The following MYO5C variants were observed in gnomAD, a reference collection of about 807,000 sequenced individuals.
The protein encoded by MYO5C is myosin VC, also known as unconventional myosin-Vc.
Under a neutral mutation model 235.7 loss-of-function variants are expected in MYO5C, and 194 were observed. The ratio of observed to expected loss-of-function variants is 0.82; its 90% CI spans 0.73 to 0.93. The LOEUF (loss-of-function observed/expected upper bound fraction) is 0.93, where lower values mean the gene tolerates loss of function less well. Among genes scored for constraint, MYO5C ranks in the 40% least tolerant of loss-of-function variants. The pLI is 0.00. For missense variants in MYO5C, 2,038 were observed against 2,127.2 expected, an observed-to-expected ratio of 0.96 and a Z score of 0.82; for synonymous variants, 707 against 754.8, an observed-to-expected ratio of 0.94 and a Z score of 1.04.
intron 5 of MYO5C, 152 bp from the exon 6 acceptor site, chr15:52,272,875 G>T (rs2036957103): frequency 1.4e-6 from 1 of 690,916 alleles, no homozygotes; most frequent in African/African-American, 1.8e-5. Flanking sequence ...ACCCCACGCT[G>T]GCAGGGAACA....
intron 1 of MYO5C, 23 bp from the exon 2 acceptor site, chr15:52,282,915 C>T: frequency 6.5e-7 from 1 of 1,528,900 alleles, no homozygotes; most frequent in Non-Finnish European, 9.1e-7. Context: ...ATGAGAAAAG[C>T]TGAATTTCAG....
intron 36 of MYO5C, 90 bp downstream of exon 36, chr15:52,208,462 GGA>G: frequency 8.8e-7 from 1 of 1,135,314 alleles, no homozygotes; most frequent in Non-Finnish European, 1.3e-6. Flanking sequence ...GCCTCCTGGT[GGA>G]GAGGATAGAG....
intron 38 of MYO5C, among the ~76,000 whole-genome samples, chr15:52,204,394 C>G (rs796141347): frequency 3.3e-5 from 5 of 152,066 alleles, no homozygotes; most frequent in African/African-American, 1.2e-4. Context: ...CCAACTGTTC[C>G]GTCTGCAATG....
At chr15:52,241,481 G>A (rs1342140606) in intron 20 of MYO5C, among the ~76,000 whole-genome samples, 3 of 151,870 alleles carry the variant, frequency 2.0e-5, no homozygotes, top group South Asian at 2.1e-4. Flanking sequence ...GGATGGTCTC[G>A]ATCTCCTGAC....
chr15:52,239,675 A>G, intron 21 of MYO5C, 58 bp downstream of exon 21: 1 of 1,530,262 alleles, frequency 6.5e-7, no homozygotes, highest in East Asian at 2.3e-5. Flanking sequence ...ACTGCTCCAG[A>G]ACAAACTACA....
intron 19 of MYO5C, 46 bp from the exon 20 acceptor site, chr15:52,242,259 C>G (rs752698624): frequency 5.7e-6 from 9 of 1,568,132 alleles, no homozygotes; most frequent in Non-Finnish European, 7.8e-6. Flanking sequence ...CACAGAGCAT[C>G]AACTTCCATA....
At chr15:52,205,190 C>G (rs1214759480) in intron 37 of MYO5C, 43 bp from the exon 38 acceptor site, 4 of 1,599,156 alleles carry the variant, frequency 2.5e-6, no homozygotes, top group African/African-American at 2.7e-5. Flanking sequence ...CCAGGAGACA[C>G]ACGCGGAACG....
intron 2 of MYO5C, among the ~76,000 whole-genome samples, chr15:52,280,565 T>C (rs2037145183): frequency 6.6e-6 from 1 of 152,182 alleles, no homozygotes; most frequent in Non-Finnish European, 1.5e-5. Flanking sequence ...GCATGCTTGT[T>C]TCTCTTCCAC....
chr15:52,288,788 C>A (rs1419035713), intron 1 of MYO5C, among the ~76,000 whole-genome samples: 1 of 152,204 alleles, frequency 6.6e-6, no homozygotes, highest in African/African-American at 2.4e-5. Flanking sequence ...AGCCCTTCAG[C>A]GGAGCCAGGA....
intron 32 of MYO5C, among the ~76,000 whole-genome samples, chr15:52,217,604 A>G (rs570027672): frequency 6.6e-6 from 1 of 152,316 alleles, no homozygotes; most frequent in African/African-American, 2.4e-5. Context: ...ACCTCAGAAA[A>G]GGCAGCTGTC....
At chr15:52,245,307 G>A (rs1239101342) in intron 18 of MYO5C, 47 bp downstream of exon 18, 1 of 1,221,802 alleles carries the variant, frequency 8.2e-7, no homozygotes, top group Admixed American at 1.7e-5. Context: ...TTTGGGAGAT[G>A]TGCTTCCAGG....
rs1261111947 is a variant in MYO5C at position 52,251,246 on chromosome 15, T to C, written c.1662+144A>G. 6 of 694,002 alleles carry C rather than the reference T, an allele frequency of 8.6e-6. No individual in the cohort carries two copies. The Admixed American group carries it at 1.9e-4, about 22-fold the overall frequency. 43.0% of individuals were successfully genotyped at this position (694,002 alleles called of 1,614,324 possible). On this transcript the variant is annotated intron_variant, in intron 13 of 40. Transcript: ENST00000261839. The stretch of plus-strand genomic sequence containing the variant: ...TCATGTATCTCGCCACAAAAACAAA[T>C]AAGGAACTGTTAAACACACACTCAT...
chr15:52,286,304 C>T (rs1247466816), intron 1 of MYO5C, among the ~76,000 whole-genome samples: 45 of 148,640 alleles, frequency 3.0e-4, no homozygotes, highest in African/African-American at 8.9e-4. Flanking sequence ...CCGCCCCGTC[C>T]GGGAGGGAGG....
intron 24 of MYO5C, among the ~76,000 whole-genome samples, chr15:52,229,925 C>T (rs1049261847): frequency 6.6e-6 from 1 of 152,156 alleles, no homozygotes; most frequent in Non-Finnish European, 1.5e-5. Context: ...TATTCCCAAC[C>T]CCCCGGGTTC....
At chr15:52,222,791 T>C (rs2035724194) in intron 29 of MYO5C, among the ~76,000 whole-genome samples, 2 of 152,108 alleles carry the variant, frequency 1.3e-5, no homozygotes, top group South Asian at 4.2e-4. Context: ...TCCAGGCCAG[T>C]AGGCATGAGT....
intron 13 of MYO5C, among the ~76,000 whole-genome samples, chr15:52,250,551 T>A (rs1286156791): frequency 2.0e-5 from 3 of 152,178 alleles, no homozygotes. Flanking sequence ...GCCAATCCTA[T>A]ATTTTAATAT....
rs893143783 is a variant in MYO5C at position 52,272,679 on chromosome 15, C to A, written c.651G>T (p.Arg217=). The change falls in exon 6 of 41, where the codon CGG becomes CGT. Residue 217 remains arginine (R), a synonymous_variant. Coordinates refer to ENST00000261839, the MANE Select transcript of MYO5C (RefSeq NM_018728.4). The part of the protein sequence containing the change: ...AKTTRNDNSS[R]FGKYTEISFD... Reference sequence around the variant, plus strand: ...AACTGATTTCTGTGTATTTCCCAAACCGACTACTATTGTCATTGCGGGTGG... The same window carrying A: ...AACTGATTTCTGTGTATTTCCCAAAACGACTACTATTGTCATTGCGGGTGG... 4 of 1,614,134 alleles carry A rather than the reference C, an allele frequency of 2.5e-6. No individual in the cohort carries two copies. The highest frequency in any genetic ancestry group is 3.4e-6 in the Non-Finnish European group (4 of 1,180,002).
intron 24 of MYO5C, among the ~76,000 whole-genome samples, chr15:52,231,310 C>T (rs976486485): frequency 3.3e-5 from 5 of 152,064 alleles, no homozygotes; most frequent in African/African-American, 1.2e-4. Flanking sequence ...GAACACGGGC[C>T]TAGAGAGGGT....
rs775479835 is a variant in MYO5C at position 52,256,587 on chromosome 15, ACGCGCG to A, written c.1395+46_1395+51del. The A allele has an allele frequency of 1.8e-5, 10 of 567,788 alleles. 1 individual carries two copies. Among genetic ancestry groups the A allele is most frequent in the African/African-American group, 1.6e-4 (8 of 50,978 alleles). 35.2% of individuals were successfully genotyped at this position (567,788 alleles called of 1,614,324 possible). On this transcript the variant is annotated intron_variant, in intron 11 of 40. Coordinates refer to ENST00000261839, the MANE Select transcript of MYO5C (RefSeq NM_018728.4). Reference sequence around the variant, plus strand: ...AACACACACACACACACACACACACACGCGCGCGCGCGCGGCTGAGAACTAGTCAAG... The same window carrying A: ...AACACACACACACACACACACACACACGCGCGCGGCTGAGAACTAGTCAAG...
Sources: gnomAD v4.1 joint callset for allele counts (sites outside exome capture counted in the v4.1 genomes callset) on GRCh38, gnomAD v4.1.1 for gene constraint, MANE v1.5 for transcripts, NCBI Gene and HGNC (gene_info 2026-07-23, HGNC 2026-07-21) for gene names.